The following KDM2B variants were observed in gnomAD, a reference collection of about 807,000 sequenced individuals.
KDM2B encodes the protein lysine-specific demethylase 2B.
In KDM2B, 26 loss-of-function variants were observed where a neutral mutation model predicts 150.0. The observed-to-expected ratio is 0.17, with a 90% CI of 0.13 to 0.24. KDM2B has a LOEUF of 0.24. KDM2B is among the 10% of genes least tolerant of loss of function. KDM2B has a pLI of 1.00. For synonymous variants in KDM2B, 734 were observed against 729.5 expected (o/e 1.01, Z -0.10); for missense variants, 1,265 against 1,816.9 (o/e 0.70, Z 5.52).
At chr12:121,580,493 G>A in intron 1 of KDM2B, 1 of 1,172,204 alleles carries the variant, frequency 8.5e-7, no homozygotes, top group East Asian at 5.1e-5. Flanking sequence ...AGGCGCCGCC[G>A]CCGCCCGGGA....
At chr12:121,438,390 G>T (rs1874370699) in intron 22 of KDM2B, among the ~76,000 whole-genome samples, 1 of 152,172 alleles carries the variant, frequency 6.6e-6, no homozygotes, top group South Asian at 2.1e-4. Context: ...CGCAGGGGAG[G>T]GAATTTATAC....
chr12:121,574,241 G>A (rs1028394088), intron 4 of KDM2B: 16 of 281,694 alleles, frequency 5.7e-5, no homozygotes, highest in South Asian at 8.8e-5. Context: ...GTGTTTACCC[G>A]GCAACCCACA....
Position 121,578,535 on chromosome 12 carries a change from C to A in KDM2B, c.271+267G>T, listed in dbSNP as rs539765424. Reference sequence around the variant, plus strand: ...CGGTCCGCCTGTCCATCTCCAGGTCCCTCTGTCCGCCGGCCCCCTGGCTCT... The same window carrying A: ...CGGTCCGCCTGTCCATCTCCAGGTCACTCTGTCCGCCGGCCCCCTGGCTCT... On this transcript the variant is annotated intron_variant, in intron 2 of 22. Coordinates refer to ENST00000377071, the MANE Select transcript of KDM2B (RefSeq NM_032590.5). Among the ~76,000 whole-genome samples, 3 of 152,176 alleles carry A rather than the reference C, an allele frequency of 2.0e-5. No individual in the cohort carries two copies. The East Asian group carries it at 5.8e-4, about 30-fold the overall frequency.
intron 9 of KDM2B, among the ~76,000 whole-genome samples, chr12:121,514,004 C>G (rs1158473848): frequency 6.6e-6 from 1 of 152,170 alleles, no homozygotes; most frequent in Admixed American, 6.5e-5. Context: ...CTGCTCCTCC[C>G]CACACCCGTC....
In KDM2B at chr12:121,513,235, G is replaced by C. The variant is rs1885743146; in HGVS notation, c.1174+41C>G. ...CACTGAGAAAATGATTTCTGCCCCA[G>C]CTGTGCAGCCGAGGCCGTGGGCTCC... On this transcript the variant is annotated intron_variant, in intron 10 of 22. Transcript: ENST00000377071. This position sits in a 1 kb window ranked among gnomAD's most constrained non-coding sequence, Gnocchi z 5.0. 1.2e-6 allele frequency: 2 copies of C among 1,600,416 alleles called. No homozygotes were observed.
Position 121,429,237 on chromosome 12 carries a change from A to G in KDM2B, c.*1051T>C, listed in dbSNP as rs1872686392. ...AACAAAGGTAAAATCGCATCAGGGAAGGTCTAGGAAACACCACCTTACAAC... is the reference window on the plus strand; with the variant it reads ...AACAAAGGTAAAATCGCATCAGGGAGGGTCTAGGAAACACCACCTTACAAC... On this transcript the variant is annotated 3_prime_UTR_variant, in exon 23 of 23. Transcript: ENST00000377071. The G allele has an allele frequency of 2.0e-5, 3 of 152,748 alleles. No homozygotes were observed. Among genetic ancestry groups the G allele is most frequent in the Middle Eastern group, 3.4e-3 (1 of 294 alleles). 9.5% of individuals were successfully genotyped at this position (152,748 alleles called of 1,614,324 possible). A position where few individuals can be genotyped will look rare whatever the true frequency, so the allele number is the denominator to read the frequency against.
rs1323361062 is a variant in KDM2B at position 121,520,594 on chromosome 12, CAG to C, written c.1047+389_1047+390del. On this transcript the variant is annotated intron_variant, in intron 9 of 22. Transcript: ENST00000377071. The surrounding 1 kb of genome is among the most constrained non-coding windows in gnomAD (Gnocchi z 4.5). ...GCCAAGACCTGACCTCAGACCAGGACAGGCCCTTCCAAGGTCCACACCCATCC... is the reference window on the plus strand; with the variant it reads ...GCCAAGACCTGACCTCAGACCAGGACGCCCTTCCAAGGTCCACACCCATCC... Among the ~76,000 whole-genome samples the C allele has an allele frequency of 6.6e-6, 1 of 152,122 alleles. No homozygotes were observed. Among genetic ancestry groups the C allele is most frequent in the Admixed American group, 6.5e-5 (1 of 15,276 alleles).
rs199925548 is a variant in KDM2B, at chr12:121,509,714, C to T, written c.1500G>A (p.Thr500=). Residue 500 remains threonine (T), a synonymous_variant, in exon 11 of 23, where the codon ACG becomes ACA. Transcript: ENST00000377071. Reference sequence around the variant, plus strand: ...GATGGGTCCATTTGGCAGAGACCTCCGTGGCGGGAGAGCCGGTGGGGGTCT... The same window carrying T: ...GATGGGTCCATTTGGCAGAGACCTCTGTGGCGGGAGAGCCGGTGGGGGTCT... The part of the protein sequence containing the change: ...YPKTPTGSPA[T]EVSAKWTHLT... 5.6e-6 allele frequency: 9 copies of T among 1,614,124 alleles called. No homozygotes were observed. The highest frequency in any genetic ancestry group is 4.5e-5 in the East Asian group (2 of 44,862).
At chr12:121,417,410 A>T in the KDM2B span, 1 of 1,093,188 alleles carries the variant, frequency 9.1e-7, no homozygotes, top group Non-Finnish European at 1.3e-6. The surrounding 1 kb of genome is among the most constrained non-coding windows in gnomAD (Gnocchi z 5.0). Flanking sequence ...CTTCACTAAG[A>T]ACTAAAATTA....
downstream of KDM2B, among the ~76,000 whole-genome samples, chr12:121,425,928 G>A (rs188793983): frequency 4.6e-5 from 7 of 152,012 alleles, no homozygotes; most frequent in South Asian, 2.1e-4. Flanking sequence ...CACCACGCCC[G>A]GCTAATTTTT....
chr12:121,561,514 G>T (rs1340563145), intron 4 of KDM2B, among the ~76,000 whole-genome samples: 5 of 152,128 alleles, frequency 3.3e-5, no homozygotes, highest in Non-Finnish European at 7.4e-5. Context: ...GGTTACAGGG[G>T]TGCACCATGG....
intron 12 of KDM2B, among the ~76,000 whole-genome samples, chr12:121,482,589 C>G (rs149610770): frequency 6.6e-6 from 1 of 152,214 alleles, no homozygotes; most frequent in East Asian, 1.9e-4. Context: ...CGTGAGCCAC[C>G]GCACCCAGCC....
intron 22 of KDM2B, among the ~76,000 whole-genome samples, chr12:121,433,608 A>G (rs1873432682): frequency 1.3e-5 from 2 of 152,376 alleles, no homozygotes; most frequent in Admixed American, 1.3e-4. Context: ...AAATAAATGG[A>G]AAGTCAAGAC....
chr12:121,580,704 G>C, intron 1 of KDM2B, 82 bp downstream of exon 1: 3 of 1,426,942 alleles, frequency 2.1e-6, no homozygotes, highest in South Asian at 1.6e-5. Context: ...CCCCAAAAAC[G>C]ACCCCCCACC....
chr12:121,475,182 CTGTGTG>C (rs60083867), intron 12 of KDM2B, among the ~76,000 whole-genome samples: 3,684 of 139,676 alleles, frequency 0.026, 76 homozygotes, highest in Admixed American at 0.073. Context: ...ACACATGACT[CTGTGTG>C]TGTGTGTGTG....
At chr12:121,470,655 G>C (rs918443445) in intron 12 of KDM2B, 2 of 150,572 alleles carry the variant, frequency 1.3e-5, no homozygotes, top group African/African-American at 4.8e-5. Flanking sequence ...AAAGGACCTG[G>C]ATCTGACTCT....
At chr12:121,550,936 C>T (rs1302743239) in intron 4 of KDM2B, among the ~76,000 whole-genome samples, 3 of 152,142 alleles carry the variant, frequency 2.0e-5, no homozygotes, top group Non-Finnish European at 4.4e-5. Context: ...ATTTACAAAG[C>T]TTTCCTGGGG....
intron 22 of KDM2B, among the ~76,000 whole-genome samples, chr12:121,439,092 T>C (rs988760147): frequency 1.2e-4 from 19 of 152,124 alleles, no homozygotes; most frequent in African/African-American, 4.6e-4. Context: ...TGGAACTCAC[T>C]GTGGGTTTTT....
At chr12:121,459,604 G>C (rs978811596) in intron 12 of KDM2B, among the ~76,000 whole-genome samples, 25 of 152,352 alleles carry the variant, frequency 1.6e-4, no homozygotes, top group Middle Eastern at 3.4e-3. Flanking sequence ...GCCAAGGCGG[G>C]AGGATCACCT....
Sources: gnomAD v4.1 joint callset for allele counts (sites outside exome capture counted in the v4.1 genomes callset) on GRCh38, gnomAD v4.1.1 for gene constraint, Gnocchi (gnomAD v3.1) non-coding constraint, MANE v1.5 for transcripts, NCBI Gene and HGNC (gene_info 2026-07-23, HGNC 2026-07-21) for gene names.